Variants in MUC5AC observed in about 807,000 individuals in gnomAD.
MUC5AC encodes mucin-5AC.
Under a neutral mutation model 169.7 loss-of-function variants are expected in MUC5AC, and 158 were observed. The observed-to-expected ratio is 0.93, with a 90% CI of 0.82 to 1.06. MUC5AC has a LOEUF of 1.06. Among genes scored for constraint, MUC5AC ranks in the 50% least tolerant of loss-of-function variants. The pLI is 0.00. For synonymous variants in MUC5AC, 1,975 were observed against 1,237.0 expected, an observed-to-expected ratio of 1.60 and a Z score of -12.52; for missense variants, 4,359 against 3,089.9, an observed-to-expected ratio of 1.41 and a Z score of -9.74.
rs1178945345 is a variant in MUC5AC, at chr11:1,192,187, A to G, written c.14042A>G (p.His4681Arg). The change falls in exon 31 of 49, where the codon CAC becomes CGC. Residue 4681 changes from histidine (H) to arginine (R), a missense_variant. Coordinates refer to ENST00000621226, the MANE Select transcript of MUC5AC (RefSeq NM_001304359.2). ...ITRLQCRAES[H>R]PEVNIEHLGQ... ...AGGCTCCAGTGCCGAGCCGAGAGCC[A>G]CCCGGAGGTGAACATTGAACACCTG... The G allele has an allele frequency of 3.9e-6, 3 of 765,102 alleles. No homozygotes were observed. The South Asian group carries it at 4.0e-5, about 10-fold the overall frequency. 47.4% of individuals were successfully genotyped at this position (765,102 alleles called of 1,614,324 possible).
In MUC5AC at chr11:1,189,542, A is replaced by T; in HGVS notation, c.11397A>T (p.Thr3799=). Residue 3799 remains threonine (T), a synonymous_variant, in exon 31 of 49, where the codon ACA becomes ACT. Transcript: ENST00000621226. ...CAATCTCTGCCCCTACAACCAGCACAACCTCCACTCCACAGACCAGCACAA... is the reference window on the plus strand; with the variant it reads ...CAATCTCTGCCCCTACAACCAGCACTACCTCCACTCCACAGACCAGCACAA... ...TSTISAPTTS[T]TSTPQTSTIS... 1 of 598,018 alleles carries T rather than the reference A, an allele frequency of 1.7e-6. No homozygotes were observed. Among genetic ancestry groups the T allele is most frequent in the Non-Finnish European group, 3.0e-6 (1 of 335,740 alleles). The allele number at this position is 598,018 out of a possible 1,614,324, so 37.0% of individuals were successfully genotyped here. A position where few individuals can be genotyped will look rare whatever the true frequency, so the allele number is the denominator to read the frequency against.
rs28742281 is a variant in MUC5AC at position 1,197,892 on chromosome 11, C to T, written c.16034-11C>T. The T allele has an allele frequency of 0.56, 397,446 of 706,870 alleles. 114,786 individuals are homozygous for T. Among genetic ancestry groups the T allele is most frequent in the East Asian group, 0.65 (24,708 of 37,900 alleles). 43.8% of individuals were successfully genotyped at this position (706,870 alleles called of 1,614,324 possible). A position where few individuals can be genotyped will look rare whatever the true frequency, so the allele number is the denominator to read the frequency against. ...GACAGACTCCTAATTGCCTCACTCC[C>T]GCCCCCGCAGCCTGCAACACCAGCC... On this transcript the variant is annotated splice_polypyrimidine_tract_variant and intron_variant, in intron 41 of 48. Transcript: ENST00000621226.
chr11:1,180,165 G>GT lies in MUC5AC; in HGVS notation c.3613+16dup, dbSNP rs1860782518. On this transcript the variant is annotated intron_variant, in intron 27 of 48. Coordinates refer to ENST00000621226, the MANE Select transcript of MUC5AC (RefSeq NM_001304359.2). ...GGGCCTGGAAGGTGGGCTGGGGCCGGTCGGAGGGTGGCCTGGGCTCCGCCG... is the reference window on the plus strand; with the variant it reads ...GGGCCTGGAAGGTGGGCTGGGGCCGGTTCGGAGGGTGGCCTGGGCTCCGCCG... 5.0e-5 allele frequency: 12 copies of GT among 241,862 alleles called. No individual in the cohort carries two copies. In the African/African-American group the frequency reaches 8.5e-4, roughly 17 times the overall value. The allele number at this position is 241,862 out of a possible 1,614,324, so 15.0% of individuals were successfully genotyped here. A position where few individuals can be genotyped will look rare whatever the true frequency, so the allele number is the denominator to read the frequency against.
chr11:1,160,636 A>C lies in MUC5AC; in HGVS notation c.98A>C (p.Glu33Ala). ...GGCCATGCCCAGGATGGCTCCTCCG[A>C]ATCCAGCTACAAGCACCACCCTGCC... ...HTGHAQDGSSESSYKHHPALS... is the reference protein window; with the variant it reads ...HTGHAQDGSSASSYKHHPALS... The change falls in exon 2 of 49, where the codon GAA becomes GCA. Residue 33 changes from glutamate to alanine, a missense_variant. By Grantham distance (107) the Glu-to-Ala change is moderately radical. Transcript: ENST00000621226. 6.2e-7 allele frequency: 1 copy of C among 1,610,210 alleles called. No homozygotes were observed. The highest frequency in any genetic ancestry group is 8.5e-7 in the Non-Finnish European group (1 of 1,179,566).
At position 1,162,946 on chromosome 11, in the gene MUC5AC, C is replaced by T; in HGVS notation, c.589-9C>T. 1 of 1,611,930 alleles carries T rather than the reference C, an allele frequency of 6.2e-7. No individual in the cohort carries two copies. The highest frequency in any genetic ancestry group is 8.5e-7 in the Non-Finnish European group (1 of 1,179,164). On this transcript the variant is annotated splice_polypyrimidine_tract_variant and intron_variant, in intron 5 of 48. Coordinates refer to ENST00000621226, the MANE Select transcript of MUC5AC (RefSeq NM_001304359.2). ...TGGGGATGGGTGTCTGATGTCTCTC[C>T]CTTTGCAGCTGGAGCTGGACACCAA...
rs536628662 is a variant in MUC5AC, at chr11:1,168,580, C to T, written c.1567+28C>T. 1.6e-4 allele frequency: 259 copies of T among 1,612,516 alleles called. 1 individual carries two copies. In the South Asian group the frequency reaches 2.6e-3, roughly 16 times the overall value. ...GAGGGCAGTGGCTTCTTCCCCACCC[C>T]GGGGCTGCCTGGGGTCCCGCCCCAC... On this transcript the variant is annotated intron_variant, in intron 13 of 48. Transcript: ENST00000621226.
Position 1,158,607 on chromosome 11 carries a change from A to G in MUC5AC, c.73+535A>G, listed in dbSNP as rs373204149. On this transcript the variant is annotated intron_variant, in intron 1 of 48. Coordinates refer to ENST00000621226, the MANE Select transcript of MUC5AC (RefSeq NM_001304359.2). ...GTTTCACCCCCGCCCTGAGGCTAAG[A>G]GGGTGATGGGGGAGGCTCCAGGTCC... Among the ~76,000 whole-genome samples, 85 of 152,252 alleles carry G rather than the reference A, an allele frequency of 5.6e-4. No individual in the cohort carries two copies. The South Asian group carries it at 0.016, about 29-fold the overall frequency.
rs753089127 is a variant in MUC5AC, at chr11:1,162,632, G to A, written c.574G>A (p.Asp192Asn). ...GGGCCTTGTCCTCATGTGGAACCAC[G>A]ATGACAGCCTGCTGGTGAGGCTGGG... is the stretch of plus-strand genomic sequence containing the variant. ...RLGLVLMWNH[D>N]DSLLLELDTK... Residue 192 changes from aspartate to asparagine, a missense_variant, in exon 5 of 49, where the codon GAT (aspartate) becomes AAT (asparagine). By Grantham distance (23) the Asp-to-Asn change is conservative. Coordinates refer to ENST00000621226, the MANE Select transcript of MUC5AC (RefSeq NM_001304359.2). The A allele has an allele frequency of 6.8e-6, 11 of 1,612,668 alleles. No individual in the cohort carries two copies. Among genetic ancestry groups the A allele is most frequent in the Non-Finnish European group, 8.5e-6 (10 of 1,179,792 alleles).
In MUC5AC at chr11:1,188,376, A is replaced by G. The variant is rs1442831259; in HGVS notation, c.10231A>G (p.Thr3411Ala). 3 of 634,418 alleles carry G rather than the reference A, an allele frequency of 4.7e-6. No homozygotes were observed. In the African/African-American group the frequency reaches 5.4e-5, roughly 12 times the overall value. The allele number at this position is 634,418 out of a possible 1,614,324, so 39.3% of individuals were successfully genotyped here. ...TPQTSISSAP[T>A]SSTTSAPTSS... Reference sequence around the variant, plus strand: ...ACAGACCAGCATATCCTCTGCCCCTACAAGCAGCACAACCTCGGCTCCTAC... The same window carrying G: ...ACAGACCAGCATATCCTCTGCCCCTGCAAGCAGCACAACCTCGGCTCCTAC... The change falls in exon 31 of 49, where the codon ACA becomes GCA. Residue 3411 changes from threonine (T) to alanine (A), a missense_variant. Transcript: ENST00000621226.
At chr11:1,174,252 T>C (rs1860620446) in intron 16 of MUC5AC, among the ~76,000 whole-genome samples, 1 of 152,222 alleles carries the variant, frequency 6.6e-6, no homozygotes, top group Non-Finnish European at 1.5e-5. Context: ...ACCTGTTGGG[T>C]CACAGAGATG....
chr11:1,195,301 G>C lies in MUC5AC; in HGVS notation c.15458+22G>C, dbSNP rs774144942. On this transcript the variant is annotated intron_variant, in intron 36 of 48. Transcript: ENST00000621226. ...GCAAGTGAGACTTGGGTGCAAGGGA[G>C]GGAGGGTCAGTGTGGCCGCCCCACC... 2.0e-5 allele frequency: 15 copies of C among 752,744 alleles called. No homozygotes were observed. The South Asian group carries it at 2.0e-4, about 10-fold the overall frequency. 46.6% of individuals were successfully genotyped at this position (752,744 alleles called of 1,614,324 possible).
rs1383571452 is a variant in MUC5AC at position 1,191,109 on chromosome 11, A to G, written c.12964A>G (p.Ser4322Gly). Residue 4322 changes from serine (S) to glycine (G), a missense_variant, in exon 31 of 49, where the codon AGC becomes GGC. By Grantham distance (56) the Ser-to-Gly change is moderately conservative (BLOSUM62 0). Coordinates refer to ENST00000621226, the MANE Select transcript of MUC5AC (RefSeq NM_001304359.2). ...STTSGPGTTP[S>G]PVPTTSTTSA... ...AACCTCTGGTCCTGGAACTACTCCC[A>G]GCCCTGTTCCCACCACCAGCACAAC... 54 of 699,566 alleles carry G rather than the reference A, an allele frequency of 7.7e-5. No homozygotes were observed. Among genetic ancestry groups the G allele is most frequent in the Admixed American group, 1.4e-4 (8 of 56,438 alleles). The allele number at this position is 699,566 out of a possible 1,614,324, so 43.3% of individuals were successfully genotyped here. A position where few individuals can be genotyped will look rare whatever the true frequency, so the allele number is the denominator to read the frequency against.
rs1860848009 is a variant in MUC5AC at position 1,182,914 on chromosome 11, G to A, written c.4769G>A (p.Gly1590Asp). The A allele has an allele frequency of 5.0e-6, 2 of 398,764 alleles. No homozygotes were observed. Among genetic ancestry groups the A allele is most frequent in the Non-Finnish European group, 4.4e-6 (1 of 226,198 alleles). 24.7% of individuals were successfully genotyped at this position (398,764 alleles called of 1,614,324 possible). ...TGCACCTGGACCGAGTGGATCGATG[G>A]CAGCTACCCTGCTCCTGGAATAAAT... The part of the protein sequence containing the change: ...ELCTWTEWID[G>D]SYPAPGINGG... The change falls in exon 31 of 49, where the codon GGC (glycine) becomes GAC (aspartate). Residue 1590 changes from glycine to aspartate, a missense_variant. Transcript: ENST00000621226.
At chr11:1,200,128 G>T (rs1442571406) in intron 48 of MUC5AC, among the ~76,000 whole-genome samples, 159 bp downstream of exon 48, 2 of 152,180 alleles carry the variant, frequency 1.3e-5, no homozygotes, top group African/African-American at 2.4e-5. Context: ...GATGGCAAGG[G>T]TGGGGCTGGG....
intron 24 of MUC5AC, among the ~76,000 whole-genome samples, chr11:1,178,114 G>A (rs2133746710): frequency 1.3e-5 from 2 of 152,352 alleles, no homozygotes; most frequent in East Asian, 3.9e-4. Context: ...CAGTCTGCAA[G>A]ACCCCATCTC....
chr11:1,165,217 C>A, intron 9 of MUC5AC, 85 bp from the exon 10 acceptor site: 1 of 1,302,756 alleles, frequency 7.7e-7, no homozygotes, highest in Non-Finnish European at 1.1e-6. Flanking sequence ...CCCCAGCTCG[C>A]TGTGGGGCCG....
At chr11:1,171,660 T>TTCACCCACTCACCCAC (rs1860545689) in intron 15 of MUC5AC, among the ~76,000 whole-genome samples, 1 of 30,366 alleles carries the variant, frequency 3.3e-5, no homozygotes, top group Non-Finnish European at 6.8e-5. Flanking sequence ...CACTCACCCA[T>TTCACCCACTCACCCAC]TCACCCACTC....
chr11:1,163,047 TA>T lies in MUC5AC; in HGVS notation c.679+4del. ...TGGTCAGCGAGCTCCTCTCCCACAG[TA>T]AGGCCCCACATCGCCCTCAGCCCCT... On this transcript the variant is annotated splice_donor_region_variant and intron_variant, in intron 6 of 48. Transcript: ENST00000621226. The T allele has an allele frequency of 6.2e-7, 1 of 1,612,004 alleles. No individual in the cohort carries two copies. The highest frequency in any genetic ancestry group is 8.5e-7 in the Non-Finnish European group (1 of 1,179,290).
In MUC5AC at chr11:1,162,821, C is replaced by T. The variant is rs75865647; in HGVS notation, c.589-134C>T. 979 of 1,017,306 alleles carry T rather than the reference C, an allele frequency of 9.6e-4. 20 individuals are homozygous for T. In the East Asian group the frequency reaches 0.024, roughly 24 times the overall value. The allele number at this position is 1,017,306 out of a possible 1,614,324, so 63.0% of individuals were successfully genotyped here. A position where few individuals can be genotyped will look rare whatever the true frequency, so the allele number is the denominator to read the frequency against. Reference sequence around the variant, plus strand: ...CACCAATGGTGTCCCGGGGTCTGTGCCCCCAGGATGGAGACTGCTTTCGGG... The same window carrying T: ...CACCAATGGTGTCCCGGGGTCTGTGTCCCCAGGATGGAGACTGCTTTCGGG... On this transcript the variant is annotated intron_variant, in intron 5 of 48. Transcript: ENST00000621226.
Sources: gnomAD v4.1 joint callset for allele counts (sites outside exome capture counted in the v4.1 genomes callset) on GRCh38, gnomAD v4.1.1 for gene constraint, MANE v1.5 for transcripts, NCBI Gene and HGNC (gene_info 2026-07-23, HGNC 2026-07-21) for gene names.